CPSF4L: variants seen among roughly 807,000 people sequenced by gnomAD.
CPSF4L encodes the protein cleavage and polyadenylation specific factor 4 like.
Under a neutral mutation model 24.0 loss-of-function variants are expected in CPSF4L, and 18 were observed. The observed-to-expected ratio is 0.75, with a 90% CI of 0.52 to 1.11. CPSF4L has a LOEUF of 1.11. Ranked by LOEUF, CPSF4L falls within the 50% of genes least tolerant of loss-of-function variation. The probability of loss-of-function intolerance (pLI) is 0.00; values close to 1 mark genes in which losing one functional copy is unlikely to be tolerated. For synonymous variants in CPSF4L, 72 were observed against 77.2 expected (o/e 0.93, Z 0.35); for missense variants, 211 against 221.8 (o/e 0.95, Z 0.31).
In CPSF4L at chr17:73,250,847, C is replaced by T. The variant is rs1387461539; in HGVS notation, c.497+1783G>A. 60 of 668,098 alleles carry T rather than the reference C, an allele frequency of 9.0e-5. No homozygotes were observed. The East Asian group carries it at 1.7e-3, about 19-fold the overall frequency. The allele number at this position is 668,098 out of a possible 1,614,324, so 41.4% of individuals were successfully genotyped here. A position where few individuals can be genotyped will look rare whatever the true frequency, so the allele number is the denominator to read the frequency against. On this transcript the variant is annotated intron_variant, in intron 5 of 5. Transcript: ENST00000344935. Reference sequence around the variant, plus strand: ...AACAGGATGGTTTACAGTATCCTCTCATTCTCCCCTAATTCACACTCCTAT... The same window carrying T: ...AACAGGATGGTTTACAGTATCCTCTTATTCTCCCCTAATTCACACTCCTAT...
At chr17:73,247,424 A>C, downstream of CPSF4L, 1 of 1,377,330 alleles carries the variant, frequency 7.3e-7, no homozygotes, top group African/African-American at 1.4e-5. Flanking sequence ...TTGCCCTGTA[A>C]CACCTAAGTG....
chr17:73,256,826 A>G (rs368844550), intron 3 of CPSF4L, among the ~76,000 whole-genome samples: 3 of 152,308 alleles, frequency 2.0e-5, no homozygotes, highest in African/African-American at 7.2e-5. Context: ...CAGGAGTTCA[A>G]GACCAGCCTG....
chr17:73,242,394 G>C, the CPSF4L span: 1 of 1,351,798 alleles, frequency 7.4e-7, no homozygotes, highest in African/African-American at 1.5e-5. Context: ...GCAGGTTCTG[G>C]GCATTTGGAA....
chr17:73,248,599 T>C (rs2061985000), intron 5 of CPSF4L, 63 bp from the exon 6 acceptor site: 3 of 1,506,400 alleles, frequency 2.0e-6, no homozygotes. Flanking sequence ...CACCTTCCCA[T>C]CCATCCCGCA....
intron 5 of CPSF4L, chr17:73,250,101 A>C (rs953767007): frequency 3.1e-6 from 2 of 646,216 alleles, no homozygotes; most frequent in Middle Eastern, 2.6e-4. Context: ...CAGGATCAAA[A>C]GAAATAAACC....
intron 4 of CPSF4L, 149 bp from the exon 5 acceptor site, chr17:73,252,872 C>T: frequency 1.7e-6 from 1 of 587,476 alleles, no homozygotes; most frequent in Non-Finnish European, 3.0e-6. Flanking sequence ...CTGTACCACC[C>T]TAAAGCATCC....
At chr17:73,246,468 G>A (rs536590298), downstream of CPSF4L, among the ~76,000 whole-genome samples, 6 of 152,268 alleles carry the variant, frequency 3.9e-5, no homozygotes, top group African/African-American at 9.6e-5. Flanking sequence ...CCCAGGAGGC[G>A]GAGGCTGCAG....
At chr17:73,242,920 TAAGG>T in the CPSF4L span, 19 of 1,613,810 alleles carry the variant, frequency 1.2e-5, no homozygotes, top group East Asian at 8.9e-5. Context: ...AACACCACCA[TAAGG>T]AAGAGTGGAT....
Position 73,261,837 on chromosome 17 carries a change from G to C in CPSF4L, c.-19C>G, listed in dbSNP as rs367547113. ...CTTGCATCTTCCGTCTCCTGCTGGG[G>C]CTGCGGAAGCTGCTGGAACCCAGGC... On this transcript the variant is annotated 5_prime_UTR_variant, in exon 1 of 6. Coordinates refer to ENST00000344935, the MANE Select transcript of CPSF4L (RefSeq NM_001129885.1). 31 of 1,538,562 alleles carry C rather than the reference G, an allele frequency of 2.0e-5. 1 individual carries two copies. The South Asian group carries it at 3.0e-4, about 15-fold the overall frequency.
rs552861036 is a variant in CPSF4L, at chr17:73,253,186, C to T, written c.404-463G>A. Reference sequence around the variant, plus strand: ...ACCAGCCTGGGCCACATGGTGAGACCCTGTCTCTACTAAAAATACAAAAAT... The same window carrying T: ...ACCAGCCTGGGCCACATGGTGAGACTCTGTCTCTACTAAAAATACAAAAAT... On this transcript the variant is annotated intron_variant, in intron 4 of 5. Coordinates refer to ENST00000344935, the MANE Select transcript of CPSF4L (RefSeq NM_001129885.1). Among the ~76,000 whole-genome samples, 3 of 152,096 alleles carry T rather than the reference C, an allele frequency of 2.0e-5. No homozygotes were observed. In the East Asian group the frequency reaches 5.8e-4, roughly 29 times the overall value.
At chr17:73,245,413 C>T, downstream of CPSF4L, 1 of 1,205,296 alleles carries the variant, frequency 8.3e-7, no homozygotes, top group East Asian at 3.5e-5. Context: ...TCTTGGCTTG[C>T]TCTCAGGAGC....
intron 3 of CPSF4L, among the ~76,000 whole-genome samples, chr17:73,255,025 T>C (rs569148013): frequency 1.3e-5 from 2 of 152,346 alleles, no homozygotes; most frequent in African/African-American, 4.8e-5. Flanking sequence ...CATCCCACTT[T>C]CACTTCATTC....
Position 73,261,377 on chromosome 17 carries a change from G to A in CPSF4L, c.103+339C>T, listed in dbSNP as rs960513114. Among the ~76,000 whole-genome samples, 4 of 152,064 alleles carry A rather than the reference G, an allele frequency of 2.6e-5. No individual in the cohort carries two copies. The South Asian group carries it at 6.2e-4, about 24-fold the overall frequency. ...AGGCCTGTAGAGAAGGAAGGGGGAG[G>A]GAGGCTGGGCGTGGTGGCTCATGCC... On this transcript the variant is annotated intron_variant, in intron 1 of 5. Transcript: ENST00000344935.
the CPSF4L span, among the ~76,000 whole-genome samples, chr17:73,243,448 C>G: frequency 6.6e-6 from 1 of 152,068 alleles, no homozygotes; most frequent in African/African-American, 2.4e-5. Flanking sequence ...GCCACTGCAC[C>G]TGGCAGGCTC....
rs1430337929 is a variant in CPSF4L, at chr17:73,248,450, C to T, written c.*44G>A. ...GGAGGGGGTAAAAGTCGTGTTCTGCCCTGTCTGTGGCATTGGAGTGCCCCG... is the reference window on the plus strand; with the variant it reads ...GGAGGGGGTAAAAGTCGTGTTCTGCTCTGTCTGTGGCATTGGAGTGCCCCG... On this transcript the variant is annotated 3_prime_UTR_variant, in exon 6 of 6. Coordinates refer to ENST00000344935, the MANE Select transcript of CPSF4L (RefSeq NM_001129885.1). 3 of 1,535,850 alleles carry T rather than the reference C, an allele frequency of 2.0e-6. No homozygotes were observed. The South Asian group carries it at 3.6e-5, about 18-fold the overall frequency.
chr17:73,254,239 G>A (rs1233746715), intron 3 of CPSF4L, among the ~76,000 whole-genome samples: 1 of 152,242 alleles, frequency 6.6e-6, no homozygotes, highest in East Asian at 1.9e-4. Context: ...GGCATGGTCT[G>A]AATATACACC....
the CPSF4L span, chr17:73,242,174 C>A: frequency 9.8e-7 from 1 of 1,015,970 alleles, no homozygotes; most frequent in Non-Finnish European, 1.5e-6. Flanking sequence ...GTGGATCCTT[C>A]GGCACTGGAT....
At chr17:73,256,001 A>G (rs1256675651) in intron 3 of CPSF4L, among the ~76,000 whole-genome samples, 1 of 152,172 alleles carries the variant, frequency 6.6e-6, no homozygotes, top group Admixed American at 6.5e-5. Context: ...AATTAGAGTG[A>G]TCATCACTTT....
At chr17:73,244,126 A>C (rs940001974), downstream of CPSF4L, among the ~76,000 whole-genome samples, 1 of 152,208 alleles carries the variant, frequency 6.6e-6, no homozygotes, top group African/African-American at 2.4e-5. Context: ...CCTTAATTTC[A>C]TTTATCTTAA....
Sources: gnomAD v4.1 joint callset for allele counts (sites outside exome capture counted in the v4.1 genomes callset) on GRCh38, gnomAD v4.1.1 for gene constraint, MANE v1.5 for transcripts, NCBI Gene and HGNC (gene_info 2026-07-23, HGNC 2026-07-21) for gene names.